CACNA1C: variants seen among roughly 807,000 people sequenced by gnomAD.
CACNA1C encodes the protein calcium voltage-gated channel subunit alpha1 C, also known as voltage-dependent L-type calcium channel subunit alpha-1C.
Under a neutral mutation model 229.0 loss-of-function variants are expected in CACNA1C, and 30 were observed. The observed-to-expected ratio is 0.13, with a 90% CI of 0.10 to 0.18. The LOEUF is 0.18. Ranked by LOEUF, CACNA1C falls within the 10% of genes least tolerant of loss-of-function variation. The probability of loss-of-function intolerance (pLI) is 1.00; values close to 1 mark genes in which losing one functional copy is unlikely to be tolerated. For missense variants in CACNA1C, 1,658 were observed against 2,845.0 expected (o/e 0.58, Z 9.49); for synonymous variants, 1,114 against 1,132.5 (o/e 0.98, Z 0.33).
Position 2,654,710 on chromosome 12 carries a change from A to G in CACNA1C, c.4141-437A>G, listed in dbSNP as rs1471700839. Among the ~76,000 whole-genome samples, 1 of 152,258 alleles carries G rather than the reference A, an allele frequency of 6.6e-6. No individual in the cohort carries two copies. Among genetic ancestry groups the G allele is most frequent in the East Asian group, 1.9e-4 (1 of 5,202 alleles). Reference sequence around the variant, plus strand: ...AAAGACCAGGAAGAAAAGGGATTTCAGGAATGCATTAAGCTTGCCCTAGCC... The same window carrying G: ...AAAGACCAGGAAGAAAAGGGATTTCGGGAATGCATTAAGCTTGCCCTAGCC... On this transcript the variant is annotated intron_variant, in intron 33 of 46. Transcript: ENST00000399655. This position sits in a 1 kb window ranked among gnomAD's most constrained non-coding sequence, Gnocchi z 4.4.
chr12:2,574,402 T>G (rs1329805674), intron 13 of CACNA1C, among the ~76,000 whole-genome samples: 1 of 152,194 alleles, frequency 6.6e-6, no homozygotes, highest in Non-Finnish European at 1.5e-5. Flanking sequence ...AGTTTACTGA[T>G]TGCATCTCAT....
chr12:2,167,660 G>A (rs898952654), intron 3 of CACNA1C, among the ~76,000 whole-genome samples: 2 of 152,206 alleles, frequency 1.3e-5, no homozygotes, highest in African/African-American at 2.4e-5. Flanking sequence ...GATTTGGATG[G>A]AGTTTATATG....
At chr12:1,997,843 A>G in intron 1 of CACNA1C, 4 of 1,050,926 alleles carry the variant, frequency 3.8e-6, no homozygotes, top group Non-Finnish European at 5.6e-6. Flanking sequence ...TCTTTTTGAA[A>G]TAAAACTGCA....
At chr12:1,992,866 A>G (rs1204527211) in intron 1 of CACNA1C, 1 of 434,132 alleles carries the variant, frequency 2.3e-6, no homozygotes, top group African/African-American at 2.0e-5. Context: ...CTCGGCCAAA[A>G]GTGATACATA....
chr12:2,545,212 A>AT (rs56971243), intron 9 of CACNA1C, among the ~76,000 whole-genome samples: 9,312 of 131,552 alleles, frequency 0.071, 550 homozygotes, highest in African/African-American at 0.12. Flanking sequence ...CAAAACAATG[A>AT]TTTTTTTTTT....
intron 3 of CACNA1C, among the ~76,000 whole-genome samples, chr12:2,194,230 C>T (rs962611982): frequency 1.4e-5 from 2 of 140,398 alleles, no homozygotes; most frequent in Admixed American, 1.4e-4. Flanking sequence ...TCCTTCTACT[C>T]CTTTTGTTCC....
chr12:2,312,708 G>A (rs939365751), intron 3 of CACNA1C, among the ~76,000 whole-genome samples: 3 of 152,026 alleles, frequency 2.0e-5, no homozygotes, highest in Non-Finnish European at 4.4e-5. Context: ...TTTATCATCT[G>A]TTCTGTTTTG....
Position 2,053,040 on chromosome 12 carries a change from G to GCGGCGCGGCGGGCC in CACNA1C, c.-519_-506dup, listed in dbSNP as rs1565390681. 2 of 984,332 alleles carry GCGGCGCGGCGGGCC rather than the reference G, an allele frequency of 2.0e-6. No individual in the cohort carries two copies. The highest frequency in any genetic ancestry group is 3.5e-5 in the African/African-American group (2 of 57,046). 61.0% of individuals were successfully genotyped at this position (984,332 alleles called of 1,614,324 possible). On this transcript the variant is annotated 5_prime_UTR_variant, in exon 1 of 47. Transcript: ENST00000399655. This position sits in a 1 kb window ranked among gnomAD's most constrained non-coding sequence, Gnocchi z 5.8. The stretch of plus-strand genomic sequence containing the variant: ...AGCTCCTGCCAGAGCGGCGCTCGGC[G>GCGGCGCGGCGGGCC]CGGCGCGGCGGGCCCGGAGCGGCGG...
intron 3 of CACNA1C, among the ~76,000 whole-genome samples, chr12:2,336,022 C>CA (rs34731308): frequency 0.031 from 2,877 of 92,422 alleles, 30 homozygotes; most frequent in East Asian, 0.058. Flanking sequence ...AAAACAACTC[C>CA]AAAAAAAAAA....
intron 11 of CACNA1C, among the ~76,000 whole-genome samples, chr12:2,565,394 GA>G (rs1229436799): frequency 6.6e-6 from 1 of 151,362 alleles, no homozygotes; most frequent in Non-Finnish European, 1.5e-5. Flanking sequence ...GTGAACCCGG[GA>G]AGCGGAGCTT....
intron 3 of CACNA1C, among the ~76,000 whole-genome samples, chr12:2,249,824 G>T (rs2074900327): frequency 6.8e-6 from 1 of 146,532 alleles, no homozygotes; most frequent in Non-Finnish European, 1.5e-5. Flanking sequence ...AGGCTGGAGT[G>T]CAGTGGCGCG....
intron 3 of CACNA1C, among the ~76,000 whole-genome samples, chr12:2,128,491 A>C (rs1382881511): frequency 1.3e-5 from 2 of 151,944 alleles, no homozygotes; most frequent in South Asian, 2.1e-4. Flanking sequence ...GCTCACTGCA[A>C]GCTCCACCTC....
At chr12:2,603,660 A>G (rs1411289682) in intron 22 of CACNA1C, 3 of 152,236 alleles carry the variant, frequency 2.0e-5, no homozygotes, top group Non-Finnish European at 4.4e-5. Context: ...GAAAAGCCGT[A>G]GCCCGAGACT....
intron 1 of CACNA1C, among the ~76,000 whole-genome samples, chr12:2,045,005 G>A (rs2050814633): frequency 6.6e-6 from 1 of 152,188 alleles, no homozygotes; most frequent in Admixed American, 6.5e-5. Flanking sequence ...TGGGTGAGAG[G>A]GAGAAGAACC....
chr12:2,379,758 G>A (rs899955293), intron 3 of CACNA1C, among the ~76,000 whole-genome samples: 4 of 152,094 alleles, frequency 2.6e-5, no homozygotes, highest in South Asian at 4.1e-4. Context: ...ATGGCCGGGC[G>A]CGGTGGCTCA....
chr12:2,628,799 G>A (rs1417794620), intron 29 of CACNA1C, among the ~76,000 whole-genome samples: 1 of 152,080 alleles, frequency 6.6e-6, no homozygotes, highest in East Asian at 1.9e-4. Flanking sequence ...AGGAGCTTGA[G>A]ACCACAGTGA....
At chr12:2,298,943 A>G (rs16929226) in intron 3 of CACNA1C, among the ~76,000 whole-genome samples, 176 of 152,304 alleles carry the variant, frequency 1.2e-3, no homozygotes, top group African/African-American at 4.1e-3. Flanking sequence ...CGGGGACTTC[A>G]TAGGTTTGAG....
chr12:2,203,939 T>TG (rs2097677744), intron 3 of CACNA1C, among the ~76,000 whole-genome samples: 1 of 152,208 alleles, frequency 6.6e-6, no homozygotes, highest in South Asian at 2.1e-4. Flanking sequence ...TGCCCCTTCA[T>TG]GGGGGACCAG....
chr12:2,007,071 A>C (rs2043599407), intron 1 of CACNA1C, among the ~76,000 whole-genome samples: 1 of 152,212 alleles, frequency 6.6e-6, no homozygotes, highest in Admixed American at 6.5e-5. Flanking sequence ...TTCTAAAAAC[A>C]AGTTTAATCT....
Sources: allele counts gnomAD v4.1 joint callset (sites outside exome capture counted in the v4.1 genomes callset), GRCh38; gene constraint gnomAD v4.1.1; non-coding constraint Gnocchi (gnomAD v3.1); transcripts MANE v1.5; gene names NCBI Gene and HGNC (gene_info 2026-07-23, HGNC 2026-07-21).